BZW2: variants seen among roughly 807,000 people sequenced by gnomAD.
BZW2 encodes eIF5-mimic protein 1.
In BZW2, 23 loss-of-function variants were observed where a neutral mutation model predicts 53.2. The observed-to-expected ratio is 0.43, with a 90% confidence interval of 0.31 to 0.61. The LOEUF (loss-of-function observed/expected upper bound fraction) is 0.61. Among genes scored for constraint, BZW2 ranks in the 20% least tolerant of loss-of-function variants. The pLI is 0.09. For synonymous variants in BZW2, 227 were observed against 186.4 expected (o/e 1.22, Z -1.77); for missense variants, 409 against 503.1 (o/e 0.81, Z 1.79).
intron 1 of BZW2, among the ~76,000 whole-genome samples, chr7:16,663,622 GTAAT>G (rs1782333128): frequency 6.6e-6 from 1 of 151,972 alleles, no homozygotes; most frequent in Non-Finnish European, 1.5e-5. Context: ...ACTTTTGGGA[GTAAT>G]TAAATTACTT....
At chr7:16,666,274 T>G (rs1023982850) in intron 2 of BZW2, among the ~76,000 whole-genome samples, 1 of 151,420 alleles carries the variant, frequency 6.6e-6, no homozygotes, top group African/African-American at 2.4e-5. Context: ...TTTAAAAAAA[T>G]TTTTTTGTAG....
At chr7:16,679,331 A>G (rs955194924) in intron 3 of BZW2, among the ~76,000 whole-genome samples, 3 of 152,216 alleles carry the variant, frequency 2.0e-5, no homozygotes, top group Non-Finnish European at 4.4e-5. Context: ...TTCACAATTT[A>G]TGTTCTTCTG....
At chr7:16,672,771 C>A (rs1224092694) in intron 2 of BZW2, among the ~76,000 whole-genome samples, 3 of 152,146 alleles carry the variant, frequency 2.0e-5, no homozygotes, top group Non-Finnish European at 4.4e-5. Flanking sequence ...CAAGACCTGG[C>A]TCCAAGTCGA....
chr7:16,676,859 A>T (rs531120540), intron 3 of BZW2, among the ~76,000 whole-genome samples: 1 of 152,000 alleles, frequency 6.6e-6, no homozygotes, highest in East Asian at 1.9e-4. Context: ...GTCATTCTTG[A>T]ACTCTTTTAT....
At position 16,706,336 on chromosome 7, in the gene BZW2, A is replaced by C; in HGVS notation, c.*248A>C. ...ATATGCTAACTTAAAGCCATTCAAC[A>C]AGGAGTCAAGTAGATCTGAAATTAA... On this transcript the variant is annotated 3_prime_UTR_variant, in exon 12 of 12. Coordinates refer to ENST00000258761, the MANE Select transcript of BZW2 (RefSeq NM_014038.3). 2 of 438,608 alleles carry C rather than the reference A, an allele frequency of 4.6e-6. No homozygotes were observed. The highest frequency in any genetic ancestry group is 8.1e-6 in the Non-Finnish European group (2 of 246,814). 27.2% of individuals were successfully genotyped at this position (438,608 alleles called of 1,614,324 possible).
chr7:16,690,869 T>G (rs1208058200), intron 7 of BZW2, among the ~76,000 whole-genome samples: 2 of 152,140 alleles, frequency 1.3e-5, no homozygotes, highest in Non-Finnish European at 2.9e-5. Flanking sequence ...TTTCTCCAGG[T>G]GGAATTGCTT....
intron 10 of BZW2, among the ~76,000 whole-genome samples, chr7:16,698,828 GT>G (rs1783581865): frequency 6.6e-6 from 1 of 152,126 alleles, no homozygotes. Flanking sequence ...CTACATTTAT[GT>G]AGTTTTGTGA....
intron 1 of BZW2, among the ~76,000 whole-genome samples, chr7:16,659,468 G>C (rs144307088): frequency 7.4e-4 from 113 of 152,146 alleles, no homozygotes; most frequent in African/African-American, 2.3e-3. Context: ...TAAACTTTTA[G>C]AACCAACTTA....
intron 2 of BZW2, among the ~76,000 whole-genome samples, chr7:16,671,178 T>C (rs186435657): frequency 1.3e-5 from 2 of 152,338 alleles, no homozygotes; most frequent in Non-Finnish European, 2.9e-5. Context: ...TCTCTTTCAT[T>C]GCTTGCTTCC....
intron 1 of BZW2, among the ~76,000 whole-genome samples, chr7:16,661,860 C>T (rs2128352911): frequency 6.6e-6 from 1 of 152,202 alleles, no homozygotes; most frequent in South Asian, 2.1e-4. Flanking sequence ...TGTCATGATG[C>T]ATAGGTTGTA....
intron 6 of BZW2, 100 bp downstream of exon 6, chr7:16,686,140 T>A: frequency 6.7e-7 from 1 of 1,490,592 alleles, no homozygotes; most frequent in Non-Finnish European, 9.1e-7. Context: ...TGTCCTCTAT[T>A]ACTCATTCTT....
intron 1 of BZW2, among the ~76,000 whole-genome samples, chr7:16,655,071 A>C (rs769600343): frequency 6.6e-6 from 1 of 152,180 alleles, no homozygotes; most frequent in Non-Finnish European, 1.5e-5. Flanking sequence ...CTGGTTGGAC[A>C]CACCAGATAG....
intron 5 of BZW2, 118 bp from the exon 6 acceptor site, chr7:16,685,787 G>A: frequency 7.9e-7 from 1 of 1,259,954 alleles, no homozygotes; most frequent in South Asian, 1.7e-5. Context: ...CTGTTTGTGT[G>A]CCACGTAGCC....
At chr7:16,652,770 C>T (rs941106639) in intron 1 of BZW2, among the ~76,000 whole-genome samples, 2 of 152,206 alleles carry the variant, frequency 1.3e-5, no homozygotes, top group Non-Finnish European at 2.9e-5. Context: ...GGTGATTCGC[C>T]CGCCTTGGCT....
In BZW2 at chr7:16,681,380, T is replaced by C; in HGVS notation, c.315T>C (p.His105=). 6.2e-7 allele frequency: 1 copy of C among 1,614,002 alleles called. No homozygotes were observed. Among genetic ancestry groups the C allele is most frequent in the African/African-American group, 1.3e-5 (1 of 75,028 alleles). The change falls in exon 4 of 12, where the codon CAT becomes CAC. Residue 105 remains histidine, a synonymous_variant. Transcript: ENST00000258761. ...NHCVFSANED[H]ETIRNYAQVF... is the part of the protein sequence containing the mutation. ...GTGTGTTTTCAGCAAATGAAGATCA[T>C]GAAACCATCCGAAACTATGCTCAGG...
At chr7:16,677,106 C>G (rs1450632699) in intron 3 of BZW2, among the ~76,000 whole-genome samples, 1 of 149,868 alleles carries the variant, frequency 6.7e-6, no homozygotes, top group Non-Finnish European at 1.5e-5. Context: ...AACAGAGCTC[C>G]CATACAAAGG....
At chr7:16,692,452 T>A (rs903013279) in intron 7 of BZW2, among the ~76,000 whole-genome samples, 1 of 152,026 alleles carries the variant, frequency 6.6e-6, no homozygotes, top group Admixed American at 6.6e-5. Context: ...GTAAAATATG[T>A]ATTATAATAA....
At chr7:16,672,758 G>A (rs979150772) in intron 2 of BZW2, among the ~76,000 whole-genome samples, 2 of 152,070 alleles carry the variant, frequency 1.3e-5, no homozygotes, top group African/African-American at 2.4e-5. Context: ...TCCCTGCTTT[G>A]TTCAAGACCT....
At chr7:16,704,701 T>C (rs921995914) in intron 11 of BZW2, 32 bp downstream of exon 11, 2 of 1,515,254 alleles carry the variant, frequency 1.3e-6, no homozygotes, top group African/African-American at 2.7e-5. Context: ...TTGATGACCT[T>C]TAAACACTGT....
Sources: gnomAD v4.1 joint callset for allele counts (sites outside exome capture counted in the v4.1 genomes callset) on GRCh38, gnomAD v4.1.1 for gene constraint, MANE v1.5 for transcripts, NCBI Gene and HGNC (gene_info 2026-07-23, HGNC 2026-07-21) for gene names.